The following IQGAP1 variants were observed in gnomAD, a reference collection of about 807,000 sequenced individuals.
The protein encoded by IQGAP1 is ras GTPase-activating-like protein IQGAP1.
IQGAP1 carries 66 observed loss-of-function variants against 215.6 expected under a neutral mutation model. The ratio of observed to expected loss-of-function variants is 0.31; its 90% CI spans 0.25 to 0.38. IQGAP1 has a LOEUF of 0.38. Among genes scored for constraint, IQGAP1 ranks in the 10% least tolerant of loss-of-function variants. IQGAP1 has a pLI of 1.00. For synonymous variants in IQGAP1, 772 were observed against 728.7 expected, an observed-to-expected ratio of 1.06 and a Z score of -0.96; for missense variants, 1,712 against 1,997.1, an observed-to-expected ratio of 0.86 and a Z score of 2.72.
intron 18 of IQGAP1, among the ~76,000 whole-genome samples, chr15:90,470,505 T>A (rs559923619): frequency 6.6e-6 from 1 of 152,284 alleles, no homozygotes; most frequent in African/African-American, 2.4e-5. Context: ...AGGACTGTAT[T>A]TTAAGTAGCA....
intron 33 of IQGAP1, 108 bp downstream of exon 33, chr15:90,487,690 G>T (rs1329114756): frequency 2.7e-6 from 2 of 750,494 alleles, no homozygotes; most frequent in Non-Finnish European, 4.5e-6. Flanking sequence ...TAGCCTAGGG[G>T]TGAGCATGAA....
At chr15:90,476,233 C>T (rs964664976) in intron 23 of IQGAP1, among the ~76,000 whole-genome samples, 1 of 152,202 alleles carries the variant, frequency 6.6e-6, no homozygotes, top group African/African-American at 2.4e-5. Flanking sequence ...TGCACCCAGC[C>T]ATAAATATTA....
intron 4 of IQGAP1, among the ~76,000 whole-genome samples, chr15:90,431,994 A>G (rs930250341): frequency 1.3e-5 from 2 of 152,010 alleles, no homozygotes; most frequent in Non-Finnish European, 2.9e-5. Flanking sequence ...GTTTTCTTTA[A>G]TTATTCTACC....
rs1965677509 is a variant in IQGAP1 at position 90,456,195 on chromosome 15, T to G, written c.1656T>G (p.Gly552=). The G allele has an allele frequency of 5.0e-6, 8 of 1,614,122 alleles. No homozygotes were observed. Among genetic ancestry groups the G allele is most frequent in the Non-Finnish European group, 5.9e-6 (7 of 1,179,980 alleles). Residue 552 remains glycine (G), a synonymous_variant, in exon 15 of 38, where the codon GGT becomes GGG. Transcript: ENST00000268182. ...TAATTAATGAAGCCCTGGATGAAGG[T>G]GATGCCCAAAAGACTCTGCAGGCCC... ...IGLINEALDE[G]DAQKTLQALQ...
intron 11 of IQGAP1, 59 bp downstream of exon 11, chr15:90,449,702 C>G (rs2151022622): frequency 7.3e-7 from 1 of 1,362,768 alleles, no homozygotes; most frequent in Non-Finnish European, 1.0e-6. Context: ...ATTGAAGGGT[C>G]TGAGGTTAGC....
intron 15 of IQGAP1, among the ~76,000 whole-genome samples, chr15:90,461,080 GC>G (rs1362990154): frequency 1.3e-5 from 2 of 151,608 alleles, no homozygotes; most frequent in African/African-American, 4.9e-5. Flanking sequence ...TCCCAGGTGG[GC>G]AGATCACCTG....
At position 90,456,157 on chromosome 15, in the gene IQGAP1, T is replaced by G; in HGVS notation, c.1618T>G (p.Leu540Val). Residue 540 changes from leucine to valine, a missense_variant, in exon 15 of 38, where the codon TTA becomes GTA. By Grantham distance (32) the Leu-to-Val change is conservative. Transcript: ENST00000268182. ...LVVQEEHERILAIGLINEALD... is the reference protein window; with the variant it reads ...LVVQEEHERIVAIGLINEALD... ...TTCTGTCTCTTTATATTTAGGGATT[T>G]TAGCCATTGGTTTAATTAATGAAGC... is the stretch of plus-strand genomic sequence containing the variant. 6.2e-7 allele frequency: 1 copy of G among 1,613,160 alleles called. No individual in the cohort carries two copies. Among genetic ancestry groups the G allele is most frequent in the Non-Finnish European group, 8.5e-7 (1 of 1,179,682 alleles).
intron 22 of IQGAP1, 90 bp from the exon 23 acceptor site, chr15:90,474,395 T>C: frequency 9.5e-7 from 1 of 1,053,302 alleles, no homozygotes; most frequent in South Asian, 1.3e-5. Context: ...TAAATGTTTA[T>C]GAATAGACTA....
intron 2 of IQGAP1, among the ~76,000 whole-genome samples, chr15:90,398,865 G>A (rs747321181): frequency 1.3e-5 from 2 of 151,970 alleles, no homozygotes; most frequent in Non-Finnish European, 2.9e-5. Flanking sequence ...CATTAGTTGG[G>A]TATGGTGGCG....
Position 90,486,055 on chromosome 15 carries a change from T to C in IQGAP1, c.3947T>C (p.Ile1316Thr), listed in dbSNP as rs535698281. ...CTCCTGTTGGATCACCAGGATGCCA[T>C]TGCTCCGGAGCACAATGATCCAATC... The part of the protein sequence containing the change: ...HTLLLDHQDA[I>T]APEHNDPIHE... Residue 1316 changes from isoleucine to threonine, a missense_variant, in exon 31 of 38, where the codon ATT (isoleucine) becomes ACT (threonine). Physicochemically the swap from Ile to Thr is moderately conservative, Grantham distance 89. Transcript: ENST00000268182. 21 of 1,613,820 alleles carry C rather than the reference T, an allele frequency of 1.3e-5. No homozygotes were observed. The South Asian group carries it at 2.3e-4, about 18-fold the overall frequency.
intron 2 of IQGAP1, among the ~76,000 whole-genome samples, chr15:90,406,799 G>A (rs1015198298): frequency 2.6e-5 from 4 of 152,194 alleles, no homozygotes; most frequent in Non-Finnish European, 5.9e-5. Context: ...ATAGTAATAA[G>A]TGTGATGTCC....
intron 35 of IQGAP1, chr15:90,494,433 T>G (rs1042378640): frequency 9.8e-6 from 2 of 204,992 alleles, no homozygotes; most frequent in African/African-American, 4.7e-5. Context: ...GGTACTTAAG[T>G]TCCCAGAAGG....
chr15:90,486,835 G>C, intron 31 of IQGAP1, 119 bp from the exon 32 acceptor site: 1 of 996,040 alleles, frequency 1.0e-6, no homozygotes, highest in Non-Finnish European at 1.5e-6. Context: ...TCGTCACACT[G>C]TATGTGTTAG....
Position 90,413,142 on chromosome 15 carries a change from A to G in IQGAP1, c.156-12968A>G, listed in dbSNP as rs6496671. On this transcript the variant is annotated intron_variant, in intron 2 of 37. Transcript: ENST00000268182. ...TTTGAAAAGTGTTATCAGTAAGACA[A>G]GATAGACAGGTATTATGTAAATCAT... 6.3e-3 allele frequency among the ~76,000 whole-genome samples: 953 copies of G among 152,286 alleles called. 8 individuals carry two copies. The highest frequency in any genetic ancestry group is 0.022 in the African/African-American group (917 of 41,540).
At chr15:90,398,272 A>G (rs530102431) in intron 2 of IQGAP1, among the ~76,000 whole-genome samples, 3 of 152,242 alleles carry the variant, frequency 2.0e-5, no homozygotes, top group African/African-American at 7.2e-5. Context: ...TCAAGGTCCT[A>G]AGGTTGGTAG....
intron 2 of IQGAP1, among the ~76,000 whole-genome samples, chr15:90,395,820 G>A (rs1964710865): frequency 1.3e-5 from 2 of 152,220 alleles, no homozygotes; most frequent in Non-Finnish European, 2.9e-5. Flanking sequence ...TGAGAAGAAA[G>A]TACGATTAGT....
chr15:90,494,966 G>A (rs1284709220), intron 36 of IQGAP1, 131 bp downstream of exon 36: 2 of 593,058 alleles, frequency 3.4e-6, no homozygotes, highest in Non-Finnish European at 5.7e-6. Flanking sequence ...ATATTTTTAT[G>A]TGTAGAATTA....
rs2301831 is a variant in IQGAP1, at chr15:90,474,486, C to T, written c.2577C>T (p.Ile859=). Reference sequence around the variant, plus strand: ...TCTTTGATGCATACTTTCTGTCAGTCAATGCTGAGGATCCTCCTATGGTTG... The same window carrying T: ...TCTTTGATGCATACTTTCTGTCAGTTAATGCTGAGGATCCTCCTATGGTTG... ...NKARDDYKTL[I]NAEDPPMVVV... The change falls in exon 23 of 38, where the codon ATC becomes ATT. Residue 859 remains isoleucine, a splice_region_variant and synonymous_variant. Coordinates refer to ENST00000268182, the MANE Select transcript of IQGAP1 (RefSeq NM_003870.4). 0.011 allele frequency: 17,429 copies of T among 1,612,284 alleles called. 607 individuals carry two copies. In the East Asian group the frequency reaches 0.12, roughly 12 times the overall value.
intron 15 of IQGAP1, among the ~76,000 whole-genome samples, chr15:90,464,545 C>T (rs1461018959): frequency 2.6e-5 from 4 of 152,058 alleles, no homozygotes; most frequent in Admixed American, 6.6e-5. Flanking sequence ...ATGGCAGCCA[C>T]ATTCTTGAAA....
Sources: gnomAD v4.1 joint callset for allele counts (sites outside exome capture counted in the v4.1 genomes callset) on GRCh38, gnomAD v4.1.1 for gene constraint, MANE v1.5 for transcripts, NCBI Gene and HGNC (gene_info 2026-07-23, HGNC 2026-07-21) for gene names.